The following RHOJ variants were observed in gnomAD, a reference collection of about 807,000 sequenced individuals.
RHOJ encodes ras homolog family member J, also known as rho-related GTP-binding protein RhoJ.
In RHOJ, 11 loss-of-function variants were observed where a neutral mutation model predicts 23.4. The observed-to-expected ratio is 0.47, with a 90% CI of 0.30 to 0.78. RHOJ has a LOEUF of 0.78. Among genes scored for constraint, RHOJ ranks in the 30% least tolerant of loss-of-function variants. The probability of loss-of-function intolerance (pLI) is 0.08; values close to 1 mark genes in which losing one functional copy is unlikely to be tolerated. For missense variants in RHOJ, 254 were observed against 273.4 expected, an observed-to-expected ratio of 0.93 and a Z score of 0.50; for synonymous variants, 102 against 102.7, an observed-to-expected ratio of 0.99 and a Z score of 0.04.
chr14:63,291,365 AG>A lies in RHOJ; in HGVS notation c.*344del, dbSNP rs1306850742. ...CGTGAAGCTGATAGGAAATCACCCC[AG>A]GGAACCCGAAAAAGAAACTTGATTC... On this transcript the variant is annotated 3_prime_UTR_variant, in exon 5 of 5. Transcript: ENST00000316754. 1.2e-5 allele frequency: 4 copies of A among 325,762 alleles called. No individual in the cohort carries two copies. Among genetic ancestry groups the A allele is most frequent in the Non-Finnish European group, 2.3e-5 (4 of 170,734 alleles). 20.2% of individuals were successfully genotyped at this position (325,762 alleles called of 1,614,324 possible).
chr14:63,228,045 C>G (rs888507525), intron 1 of RHOJ, among the ~76,000 whole-genome samples: 1 of 152,170 alleles, frequency 6.6e-6, no homozygotes, highest in Non-Finnish European at 1.5e-5. Context: ...TGTGACCCAC[C>G]TACCAACTCC....
intron 1 of RHOJ, among the ~76,000 whole-genome samples, chr14:63,246,917 G>C (rs1566617417): frequency 1.3e-5 from 2 of 152,244 alleles, no homozygotes; most frequent in Middle Eastern, 3.4e-3. Context: ...ATGAGAGGGG[G>C]CTTCAGAGTC....
chr14:63,265,720 A>AG (rs1469794642), intron 1 of RHOJ, among the ~76,000 whole-genome samples: 1 of 152,192 alleles, frequency 6.6e-6, no homozygotes, highest in Non-Finnish European at 1.5e-5. Flanking sequence ...TATGCATTTT[A>AG]GGGGGGGACA....
chr14:63,229,265 T>G (rs935196135), intron 1 of RHOJ, among the ~76,000 whole-genome samples: 1 of 152,254 alleles, frequency 6.6e-6, no homozygotes, highest in African/African-American at 2.4e-5. Flanking sequence ...AGTTTGAATT[T>G]AACTATGTTA....
At chr14:63,215,047 C>T (rs1360150762) in intron 1 of RHOJ, among the ~76,000 whole-genome samples, 1 of 152,190 alleles carries the variant, frequency 6.6e-6, no homozygotes, top group African/African-American at 2.4e-5. Flanking sequence ...TGTTGTTCCA[C>T]ATTCATCCAG....
At chr14:63,221,969 C>A (rs1412064126) in intron 1 of RHOJ, among the ~76,000 whole-genome samples, 1 of 106,420 alleles carries the variant, frequency 9.4e-6, no homozygotes, top group East Asian at 3.6e-4. Flanking sequence ...GCTATCCCTC[C>A]CCCCTCCCCC....
chr14:63,290,393 C>G (rs1292289070), intron 4 of RHOJ, among the ~76,000 whole-genome samples: 1 of 152,168 alleles, frequency 6.6e-6, no homozygotes, highest in African/African-American at 2.4e-5. Flanking sequence ...ATCAACCAAG[C>G]TGACACTTTG....
At chr14:63,244,365 G>A (rs996892179) in intron 1 of RHOJ, among the ~76,000 whole-genome samples, 8 of 150,342 alleles carry the variant, frequency 5.3e-5, no homozygotes, top group South Asian at 4.2e-4. Flanking sequence ...TCAAGAGTTC[G>A]AGACCAGCCT....
At chr14:63,251,868 C>T (rs1432442619) in intron 1 of RHOJ, among the ~76,000 whole-genome samples, 1 of 152,108 alleles carries the variant, frequency 6.6e-6, no homozygotes, top group Non-Finnish European at 1.5e-5. Flanking sequence ...CGCCTGTAAT[C>T]CCAGCACTTT....
At chr14:63,250,026 C>T (rs1306575469) in intron 1 of RHOJ, among the ~76,000 whole-genome samples, 1 of 152,194 alleles carries the variant, frequency 6.6e-6, no homozygotes, top group East Asian at 1.9e-4. Context: ...GAAATGTTCT[C>T]CACATGGACA....
At chr14:63,233,287 G>A (rs1040985920) in intron 1 of RHOJ, among the ~76,000 whole-genome samples, 1 of 152,210 alleles carries the variant, frequency 6.6e-6, no homozygotes, top group Non-Finnish European at 1.5e-5. Context: ...TGAAAGGGCT[G>A]AATGGGGAGT....
chr14:63,222,623 C>G (rs1894519028), intron 1 of RHOJ, among the ~76,000 whole-genome samples: 3 of 152,146 alleles, frequency 2.0e-5, no homozygotes, highest in Non-Finnish European at 4.4e-5. Context: ...TAAATGTCTT[C>G]TTTTGAGAAG....
At chr14:63,236,897 T>C (rs971963040) in intron 1 of RHOJ, among the ~76,000 whole-genome samples, 5 of 152,172 alleles carry the variant, frequency 3.3e-5, no homozygotes. Flanking sequence ...TATTTGCATG[T>C]AACCTAAACA....
intron 1 of RHOJ, among the ~76,000 whole-genome samples, chr14:63,242,962 GT>G (rs78404549): frequency 0.05 from 7,538 of 152,238 alleles, 260 homozygotes; most frequent in East Asian, 0.21. Context: ...AGATCAATAT[GT>G]TGTGTCATCC....
At chr14:63,254,437 T>G (rs1895126989) in intron 1 of RHOJ, among the ~76,000 whole-genome samples, 2 of 152,034 alleles carry the variant, frequency 1.3e-5, no homozygotes, top group African/African-American at 2.4e-5. Flanking sequence ...TATGTGCTCC[T>G]GGGGGAGGGG....
chr14:63,274,409 T>C (rs2139659167), intron 2 of RHOJ, among the ~76,000 whole-genome samples: 1 of 152,314 alleles, frequency 6.6e-6, no homozygotes, highest in Middle Eastern at 3.4e-3. Flanking sequence ...GACACAATCT[T>C]ACTTCTCCCC....
chr14:63,232,746 C>T (rs575006227), intron 1 of RHOJ, among the ~76,000 whole-genome samples: 8 of 139,552 alleles, frequency 5.7e-5, no homozygotes, highest in East Asian at 4.2e-4. Context: ...ACCCAGGCTG[C>T]GATGCAGTGG....
In RHOJ at chr14:63,291,057, G is replaced by T. The variant is rs760042170; in HGVS notation, c.*33G>T. On this transcript the variant is annotated 3_prime_UTR_variant, in exon 5 of 5. Transcript: ENST00000316754. ...TGGGACCTGCCTCCACCCCATCCAG[G>T]GATGAGAATGGCAGCCAATCTCTGT... The T allele has an allele frequency of 1.9e-6, 3 of 1,612,190 alleles. No individual in the cohort carries two copies. The highest frequency in any genetic ancestry group is 1.7e-4 in the Middle Eastern group (1 of 6,060).
At chr14:63,220,524 G>T (rs1405577627) in intron 1 of RHOJ, among the ~76,000 whole-genome samples, 4 of 151,806 alleles carry the variant, frequency 2.6e-5, no homozygotes, top group African/African-American at 9.7e-5. Flanking sequence ...CAAAATTCAG[G>T]TCTCAGAAAC....
Sources: gnomAD v4.1 joint callset for allele counts (sites outside exome capture counted in the v4.1 genomes callset) on GRCh38, gnomAD v4.1.1 for gene constraint, MANE v1.5 for transcripts, NCBI Gene and HGNC (gene_info 2026-07-23, HGNC 2026-07-21) for gene names.